BCAS2: variants seen among roughly 807,000 people sequenced by gnomAD.
BCAS2 encodes the protein pre-mRNA-splicing factor SPF27.
BCAS2 carries 34 observed loss-of-function variants against 35.3 expected under a neutral mutation model. That is an observed-to-expected ratio of 0.96 (90% CI 0.73 to 1.28). The LOEUF (loss-of-function observed/expected upper bound fraction) is 1.28, where lower values mean the gene tolerates loss of function less well. BCAS2 is among the 50% of genes most tolerant of loss of function. The pLI is 0.00. For synonymous variants in BCAS2, 75 were observed against 91.6 expected, an observed-to-expected ratio of 0.82 and a Z score of 1.03; for missense variants, 221 against 268.1, an observed-to-expected ratio of 0.82 and a Z score of 1.23.
intron 6 of BCAS2, among the ~76,000 whole-genome samples, chr1:114,569,599 G>A (rs996355733): frequency 2.0e-5 from 3 of 150,892 alleles, no homozygotes; most frequent in Middle Eastern, 3.2e-3. Context: ...AACCTTCCAG[G>A]TTAAGCAATC....
At chr1:114,570,197 A>G (rs1331688305) in intron 5 of BCAS2, 125 bp from the exon 6 acceptor site, 2 of 658,328 alleles carry the variant, frequency 3.0e-6, no homozygotes, top group East Asian at 5.6e-5. Flanking sequence ...TTATAGGCTA[A>G]CTGTAGAAAT....
At chr1:114,573,209 A>G (rs990925415) in intron 4 of BCAS2, among the ~76,000 whole-genome samples, 1 of 148,996 alleles carries the variant, frequency 6.7e-6, no homozygotes, top group African/African-American at 2.5e-5. Flanking sequence ...GTAAGTTGAC[A>G]GCAGTGTTCT....
chr1:114,575,158 C>T (rs899386176), intron 4 of BCAS2, among the ~76,000 whole-genome samples: 8 of 149,148 alleles, frequency 5.4e-5, no homozygotes, highest in Admixed American at 4.7e-4. Context: ...AGGTGTAAAC[C>T]ACCGCGCCCG....
intron 2 of BCAS2, among the ~76,000 whole-genome samples, chr1:114,578,001 G>A (rs2101630532): frequency 6.6e-6 from 1 of 152,242 alleles, no homozygotes; most frequent in South Asian, 2.1e-4. Flanking sequence ...GACCATCCTG[G>A]CCAACAAGTT....
chr1:114,570,095 C>A, intron 5 of BCAS2, 23 bp from the exon 6 acceptor site: 1 of 1,527,300 alleles, frequency 6.5e-7, no homozygotes, highest in Non-Finnish European at 9.0e-7. Flanking sequence ...ATTTATACAA[C>A]CCAATTACAT....
chr1:114,568,270 G>A lies in BCAS2; in HGVS notation c.552-14C>T, dbSNP rs747442983. 7 of 1,600,586 alleles carry A rather than the reference G, an allele frequency of 4.4e-6. No individual in the cohort carries two copies. Among genetic ancestry groups the A allele is most frequent in the African/African-American group, 2.7e-5 (2 of 73,724 alleles). ...AGGGATACCCAACTAGAATGGGGGG[G>A]AAGAAAAGAAAAAAATTACTCAATG... On this transcript the variant is annotated splice_polypyrimidine_tract_variant and intron_variant, in intron 6 of 6. Transcript: ENST00000369541.
intron 6 of BCAS2, among the ~76,000 whole-genome samples, chr1:114,569,195 T>C (rs920691803): frequency 1.3e-5 from 2 of 152,184 alleles, no homozygotes; most frequent in Non-Finnish European, 2.9e-5. Context: ...ATGAAGATAG[T>C]ATTTAATCAA....
At chr1:114,569,456 A>G (rs974222429) in intron 6 of BCAS2, among the ~76,000 whole-genome samples, 1 of 152,054 alleles carries the variant, frequency 6.6e-6, no homozygotes, top group Non-Finnish European at 1.5e-5. Flanking sequence ...CAAAAAAATT[A>G]CCAAGTATGA....
At chr1:114,581,461 C>G (rs866284815) in intron 1 of BCAS2, 38 bp downstream of exon 1, 1 of 1,613,792 alleles carries the variant, frequency 6.2e-7, no homozygotes, top group Non-Finnish European at 8.5e-7. Context: ...ACCGAGCCAG[C>G]TAGCAGTGAG....
At chr1:114,571,759 GCATATA>G (rs1654649527) in intron 4 of BCAS2, among the ~76,000 whole-genome samples, 3 of 152,016 alleles carry the variant, frequency 2.0e-5, no homozygotes, top group Admixed American at 2.0e-4. Flanking sequence ...CTATATTTCT[GCATATA>G]CATTCACCTT....
chr1:114,567,989 C>T lies in BCAS2; in HGVS notation c.*141G>A, dbSNP rs1162868068. The T allele has an allele frequency of 9.0e-7, 1 of 1,107,472 alleles. No individual in the cohort carries two copies. Among genetic ancestry groups the T allele is most frequent in the East Asian group, 2.4e-5 (1 of 41,866 alleles). 68.6% of individuals were successfully genotyped at this position (1,107,472 alleles called of 1,614,324 possible). A position where few individuals can be genotyped will look rare whatever the true frequency, so the allele number is the denominator to read the frequency against. On this transcript the variant is annotated 3_prime_UTR_variant, in exon 7 of 7. Transcript: ENST00000369541. ...TTGAGATATACAAATAGAATTACCACAGCAGCCTACACCTTCTATGATTTC... is the reference window on the plus strand; with the variant it reads ...TTGAGATATACAAATAGAATTACCATAGCAGCCTACACCTTCTATGATTTC...
At chr1:114,570,784 A>G (rs746271439) in intron 4 of BCAS2, 34 bp from the exon 5 acceptor site, 2 of 1,407,624 alleles carry the variant, frequency 1.4e-6, no homozygotes, top group Admixed American at 3.9e-5. Context: ...ATTAAAATAC[A>G]TTAAAATAGT....
At position 114,568,062 on chromosome 1, in the gene BCAS2, A is replaced by G; in HGVS notation, c.*68T>C. The G allele has an allele frequency of 6.3e-7, 1 of 1,590,458 alleles. No individual in the cohort carries two copies. Among genetic ancestry groups the G allele is most frequent in the Non-Finnish European group, 8.6e-7 (1 of 1,163,202 alleles). On this transcript the variant is annotated 3_prime_UTR_variant, in exon 7 of 7. Transcript: ENST00000369541. ...TTTGGGAAGATGCTGTTGTCCTTCA[A>G]AGTTCATTAAAAGTTCAGATGCCTT... is the stretch of plus-strand genomic sequence containing the variant.
chr1:114,579,468 C>T (rs1016971306), intron 2 of BCAS2, among the ~76,000 whole-genome samples: 2 of 152,190 alleles, frequency 1.3e-5, no homozygotes, highest in Non-Finnish European at 1.5e-5. Flanking sequence ...AATAAGGAAG[C>T]ATTACTGTAC....
chr1:114,574,735 G>A (rs1023541448), intron 4 of BCAS2, among the ~76,000 whole-genome samples: 1 of 152,156 alleles, frequency 6.6e-6, no homozygotes, highest in Non-Finnish European at 1.5e-5. Flanking sequence ...TTTAGGTCCT[G>A]TTAGTACTCT....
intron 4 of BCAS2, among the ~76,000 whole-genome samples, chr1:114,571,337 A>G (rs1654636611): frequency 6.6e-6 from 1 of 151,920 alleles, no homozygotes; most frequent in South Asian, 2.1e-4. Context: ...CTGAGATAAC[A>G]GGCGTGAGCC....
At chr1:114,570,585 G>T in intron 5 of BCAS2, 115 bp downstream of exon 5, 1 of 740,454 alleles carries the variant, frequency 1.4e-6, no homozygotes, top group Non-Finnish European at 2.2e-6. Flanking sequence ...CAAAGAGAGT[G>T]GATCAATTGT....
At position 114,581,518 on chromosome 1, in the gene BCAS2, G is replaced by A; in HGVS notation, c.74C>T (p.Ala25Val). Reference sequence around the variant, plus strand: ...ACTCACCGCTTCCCGCACACCAGGGGCTTCATAACCTTGATCAAAATACGG... The same window carrying A: ...ACTCACCGCTTCCCGCACACCAGGGACTTCATAACCTTGATCAAAATACGG... ...ALPYFDQGYEAPGVREAAAAL... is the reference protein window; with the variant it reads ...ALPYFDQGYEVPGVREAAAAL... The change falls in exon 1 of 7, where the codon GCC (alanine) becomes GTC (valine). Residue 25 changes from alanine to valine, a missense_variant. Physicochemically the swap from Ala to Val is moderately conservative, Grantham distance 64. Coordinates refer to ENST00000369541, the MANE Select transcript of BCAS2 (RefSeq NM_005872.3). 2 of 1,614,116 alleles carry A rather than the reference G, an allele frequency of 1.2e-6. No individual in the cohort carries two copies. Among genetic ancestry groups the A allele is most frequent in the Non-Finnish European group, 1.7e-6 (2 of 1,180,028 alleles).
At chr1:114,579,507 C>G (rs549748572) in intron 2 of BCAS2, among the ~76,000 whole-genome samples, 2 of 152,162 alleles carry the variant, frequency 1.3e-5, no homozygotes, top group African/African-American at 4.8e-5. Context: ...AACATCTACA[C>G]CTAGGTACAA....
Sources: allele counts gnomAD v4.1 joint callset (sites outside exome capture counted in the v4.1 genomes callset), GRCh38; gene constraint gnomAD v4.1.1; transcripts MANE v1.5; gene names NCBI Gene and HGNC (gene_info 2026-07-23, HGNC 2026-07-21).